CTNNA3: variants seen among roughly 807,000 people sequenced by gnomAD.
CTNNA3 encodes the protein catenin alpha-3.
Under a neutral mutation model 95.7 loss-of-function variants are expected in CTNNA3, and 76 were observed. The observed-to-expected ratio is 0.79, with a 90% CI of 0.66 to 0.96. The LOEUF (loss-of-function observed/expected upper bound fraction) is 0.96. CTNNA3 is among the 40% of genes least tolerant of loss of function. CTNNA3 has a pLI of 0.00. For synonymous variants in CTNNA3, 431 were observed against 374.4 expected, an observed-to-expected ratio of 1.15 and a Z score of -1.74; for missense variants, 1,191 against 1,089.8, an observed-to-expected ratio of 1.09 and a Z score of -1.31.
intron 1 of CTNNA3, among the ~76,000 whole-genome samples, chr10:67,755,823 G>GA (rs1841430231): frequency 8.2e-6 from 1 of 121,580 alleles, no homozygotes; most frequent in Admixed American, 7.9e-5. Flanking sequence ...AAAAAAAAAA[G>GA]AAAGAAAGAA....
intron 11 of CTNNA3, among the ~76,000 whole-genome samples, chr10:66,435,559 T>C (rs1343344010): frequency 2.0e-5 from 3 of 152,184 alleles, no homozygotes; most frequent in Non-Finnish European, 4.4e-5. Context: ...TCTATTTGAT[T>C]CTTCTCTCTT....
chr10:66,596,706 T>C (rs1279950946), intron 10 of CTNNA3, among the ~76,000 whole-genome samples: 1 of 151,892 alleles, frequency 6.6e-6, no homozygotes, highest in African/African-American at 2.4e-5. Flanking sequence ...TATCAGACAG[T>C]AAACACTGAA....
At chr10:67,474,542 C>T (rs1847935358) in intron 5 of CTNNA3, among the ~76,000 whole-genome samples, 1 of 152,100 alleles carries the variant, frequency 6.6e-6, no homozygotes, top group South Asian at 2.1e-4. Context: ...TTAAGCCACC[C>T]AGTCTGAGTT....
chr10:67,296,406 A>C (rs1252495350), intron 5 of CTNNA3, among the ~76,000 whole-genome samples: 1 of 152,224 alleles, frequency 6.6e-6, no homozygotes, highest in Non-Finnish European at 1.5e-5. Context: ...CTAATGCCAT[A>C]AAAAGGTCTG....
At chr10:67,622,781 G>A (rs1228242488) in intron 2 of CTNNA3, among the ~76,000 whole-genome samples, 3 of 152,168 alleles carry the variant, frequency 2.0e-5, no homozygotes, top group Non-Finnish European at 2.9e-5. Context: ...GTAAAATCAT[G>A]CAGAAATTGG....
chr10:67,094,926 TCCAAAACTGATGTATCA>T (rs980228709), intron 7 of CTNNA3, among the ~76,000 whole-genome samples: 37 of 151,598 alleles, frequency 2.4e-4, no homozygotes, highest in Non-Finnish European at 7.4e-5. Context: ...GTAAAAGTGG[TCCAAAACTGATGTATCA>T]CCAAAATTTG....
chr10:66,492,234 A>G (rs1229121645), intron 11 of CTNNA3, among the ~76,000 whole-genome samples: 3 of 152,142 alleles, frequency 2.0e-5, no homozygotes, highest in Admixed American at 2.0e-4. Flanking sequence ...AGAAGAAAAT[A>G]CACTTATTAT....
At chr10:67,418,943 A>C (rs1845642017) in intron 5 of CTNNA3, among the ~76,000 whole-genome samples, 1 of 152,178 alleles carries the variant, frequency 6.6e-6, no homozygotes, top group African/African-American at 2.4e-5. Flanking sequence ...ACATATTTTA[A>C]AATATCATTC....
At chr10:67,079,621 G>A (rs917716091) in intron 7 of CTNNA3, among the ~76,000 whole-genome samples, 3 of 152,032 alleles carry the variant, frequency 2.0e-5, no homozygotes, top group African/African-American at 4.8e-5. Context: ...AGGCCAAGGT[G>A]GGCAGATCAC....
Position 66,725,281 on chromosome 10 carries a change from C to A in CTNNA3, c.1281+40983G>T, listed in dbSNP as rs1330697674. ...TGTAGGCTATTTTCTATCTTAAGATCTAAAAATCTGGAGAAAGAAATATTA... is the reference window on the plus strand; with the variant it reads ...TGTAGGCTATTTTCTATCTTAAGATATAAAAATCTGGAGAAAGAAATATTA... On this transcript the variant is annotated intron_variant, in intron 9 of 17. Transcript: ENST00000433211. Among the ~76,000 whole-genome samples, 12 of 152,134 alleles carry A rather than the reference C, an allele frequency of 7.9e-5. No individual in the cohort carries two copies. The East Asian group carries it at 2.3e-3, about 29-fold the overall frequency.
chr10:66,336,979 A>C (rs2092404340), intron 12 of CTNNA3, among the ~76,000 whole-genome samples: 2 of 152,128 alleles, frequency 1.3e-5, no homozygotes. Context: ...GCAGTATAAC[A>C]GATTGACTGC....
At chr10:66,932,537 T>C (rs745452292) in intron 7 of CTNNA3, among the ~76,000 whole-genome samples, 1 of 152,160 alleles carries the variant, frequency 6.6e-6, no homozygotes, top group Non-Finnish European at 1.5e-5. Flanking sequence ...TTTGCTATTG[T>C]TGTATTCTCC....
At chr10:65,992,919 A>T (rs900591833) in intron 15 of CTNNA3, among the ~76,000 whole-genome samples, 1 of 152,040 alleles carries the variant, frequency 6.6e-6, no homozygotes, top group African/African-American at 2.4e-5. Context: ...TCTATCCTAT[A>T]GGTTTTGGTA....
Position 67,237,138 on chromosome 10 carries a change from A to AC in CTNNA3, c.580-17269_580-17268insG, listed in dbSNP as rs1389975806. Among the ~76,000 whole-genome samples, 147 of 54,652 alleles carry AC rather than the reference A, an allele frequency of 2.7e-3. 7 individuals carry two copies. The East Asian group carries it at 0.067, about 25-fold the overall frequency. 35.9% of individuals were successfully genotyped at this position (54,652 alleles called of 152,430 possible). On this transcript the variant is annotated intron_variant, in intron 5 of 17. Transcript: ENST00000433211. ...AACTATGGTGTATGTATATATATATATATATATATATATATATATATATAT... is the reference window on the plus strand; with the variant it reads ...AACTATGGTGTATGTATATATATATACTATATATATATATATATATATATAT...
chr10:66,312,620 T>C (rs10762055), intron 12 of CTNNA3, among the ~76,000 whole-genome samples: 57,713 of 151,426 alleles, frequency 0.38, 11,324 homozygotes, highest in Admixed American at 0.46. Flanking sequence ...GATATCAACT[T>C]ACCGCAATCT....
rs568391022 is a variant in CTNNA3, at chr10:66,325,052, A to T, written c.1733-44431T>A. ...TTTGTGAGGCACTGTCCCAGAGAGGAGGGAGCTACACAGAGGAAGAATTTT... is the reference window on the plus strand; with the variant it reads ...TTTGTGAGGCACTGTCCCAGAGAGGTGGGAGCTACACAGAGGAAGAATTTT... On this transcript the variant is annotated intron_variant, in intron 12 of 17. Transcript: ENST00000433211. Among the ~76,000 whole-genome samples, 12 of 152,004 alleles carry T rather than the reference A, an allele frequency of 7.9e-5. 1 individual carries two copies. The highest frequency in any genetic ancestry group is 2.9e-4 in the African/African-American group (12 of 41,486).
At chr10:67,166,223 A>G (rs1861764887) in intron 7 of CTNNA3, among the ~76,000 whole-genome samples, 1 of 152,228 alleles carries the variant, frequency 6.6e-6, no homozygotes, top group Non-Finnish European at 1.5e-5. Flanking sequence ...CATTTTAGAA[A>G]TATCAATTGT....
intron 11 of CTNNA3, among the ~76,000 whole-genome samples, chr10:66,449,080 T>G (rs1250503815): frequency 6.6e-6 from 1 of 151,774 alleles, no homozygotes; most frequent in Non-Finnish European, 1.5e-5. Flanking sequence ...ATTGGAGTAA[T>G]TATATAAAAA....
At chr10:67,196,174 T>C (rs1034902556) in intron 6 of CTNNA3, among the ~76,000 whole-genome samples, 1 of 152,092 alleles carries the variant, frequency 6.6e-6, no homozygotes, top group Admixed American at 6.6e-5. Context: ...CTCCCTTTTG[T>C]CTAGTATATT....
Sources: allele counts gnomAD v4.1 joint callset (sites outside exome capture counted in the v4.1 genomes callset), GRCh38; gene constraint gnomAD v4.1.1; transcripts MANE v1.5; gene names NCBI Gene and HGNC (gene_info 2026-07-23, HGNC 2026-07-21).